Variants in NEDD4L observed in about 807,000 individuals in gnomAD.
NEDD4L encodes NEDD4 like E3 ubiquitin protein ligase, also known as E3 ubiquitin-protein ligase NEDD4-like.
In NEDD4L, 54 loss-of-function variants were observed where a neutral mutation model predicts 148.9. The observed-to-expected ratio is 0.36, with a 90% CI of 0.29 to 0.45. NEDD4L has a LOEUF of 0.45. Among genes scored for constraint, NEDD4L ranks in the 20% least tolerant of loss-of-function variants. The pLI, the probability that NEDD4L is intolerant of heterozygous loss-of-function variation, is 1.00. For missense variants in NEDD4L, 856 were observed against 1,233.8 expected (o/e 0.69, Z 4.59); for synonymous variants, 433 against 440.7 (o/e 0.98, Z 0.22).
intron 2 of NEDD4L, among the ~76,000 whole-genome samples, chr18:58,229,713 T>C (rs1408925539): frequency 2.6e-5 from 4 of 152,164 alleles, no homozygotes; most frequent in East Asian, 1.9e-4. Context: ...CTTTTTCGGC[T>C]GGGCGCGGTG....
At chr18:58,190,443 A>G (rs1391149625) in intron 2 of NEDD4L, among the ~76,000 whole-genome samples, 1 of 152,240 alleles carries the variant, frequency 6.6e-6, no homozygotes, top group Non-Finnish European at 1.5e-5. Flanking sequence ...AACATTTTAT[A>G]ACATAGAATG....
At position 58,157,957 on chromosome 18, in the gene NEDD4L, G is replaced by C. The variant is rs8084983; in HGVS notation, c.49-7831G>C. Among the ~76,000 whole-genome samples the C allele has an allele frequency of 8.7e-3, 1,329 of 152,118 alleles. 14 individuals are homozygous for C. Among genetic ancestry groups the C allele is most frequent in the African/African-American group, 0.03 (1,259 of 41,476 alleles). ...AGAGTTAGCAGCTTATAAAGCAACA[G>C]ATATTTATTATCTCACAGTTTCTGT... On this transcript the variant is annotated intron_variant, in intron 1 of 30. Coordinates refer to ENST00000400345, the MANE Select transcript of NEDD4L (RefSeq NM_001144967.3).
chr18:58,187,737 A>C (rs1224658372), intron 2 of NEDD4L, among the ~76,000 whole-genome samples: 1 of 152,174 alleles, frequency 6.6e-6, no homozygotes, highest in African/African-American at 2.4e-5. Flanking sequence ...TTTTCTCATA[A>C]AAAAAGAAGC....
intron 5 of NEDD4L, among the ~76,000 whole-genome samples, chr18:58,310,550 C>T (rs2057565897): frequency 6.6e-6 from 1 of 152,182 alleles, no homozygotes; most frequent in Non-Finnish European, 1.5e-5. Flanking sequence ...TGAAGCAATT[C>T]ACCTTGAAAG....
At chr18:58,388,974 T>C in intron 27 of NEDD4L, 111 bp from the exon 28 acceptor site, 1 of 816,256 alleles carries the variant, frequency 1.2e-6, no homozygotes, top group Admixed American at 2.0e-5. Context: ...ATTTGCTAGC[T>C]TACCTTCGCG....
In NEDD4L at chr18:58,401,451, A is replaced by G. The variant is rs945669009; in HGVS notation, c.*5182A>G. ...TAGATTGTTTTCCTGACAGCAAAAG[A>G]CTAATGTGACAAAATGAAGTCATTG... On this transcript the variant is annotated 3_prime_UTR_variant, in exon 31 of 31. Transcript: ENST00000400345. 1.6e-4 allele frequency: 24 copies of G among 152,228 alleles called. No individual in the cohort carries two copies. Among genetic ancestry groups the G allele is most frequent in the African/African-American group, 5.8e-4 (24 of 41,460 alleles). The allele number at this position is 152,228 out of a possible 1,614,324, so 9.4% of individuals were successfully genotyped here.
Position 58,341,736 on chromosome 18 carries a change from C to T in NEDD4L, c.1316C>T (p.Pro439Leu), listed in dbSNP as rs775630982. 3.7e-6 allele frequency: 6 copies of T among 1,613,930 alleles called. No individual in the cohort carries two copies. The Admixed American group carries it at 1.0e-4, about 27-fold the overall frequency. ...ATNSNNHLIE[P>L]QIRRPRSLSS... ...AACAGTAACAACCATCTAATCGAGC[C>T]TCAGATCCGCCGGCCTCGTAGCCTC... The change falls in exon 15 of 31, where the codon CCT becomes CTT. Residue 439 changes from proline to leucine, a missense_variant. Around this residue, in one of 4 missense-constraint regions of NEDD4L, gnomAD observed 367 missense variants for 422.7 expected, o/e 0.87. Coordinates refer to ENST00000400345, the MANE Select transcript of NEDD4L (RefSeq NM_001144967.3).
At chr18:58,386,821 A>C (rs2146842618) in intron 26 of NEDD4L, among the ~76,000 whole-genome samples, 1 of 152,208 alleles carries the variant, frequency 6.6e-6, no homozygotes, top group East Asian at 1.9e-4. Context: ...AGGGACTTAA[A>C]ATGGGAGGAC....
At chr18:58,245,846 ATTTTTTTTTT>A (rs58940181) in intron 3 of NEDD4L, among the ~76,000 whole-genome samples, 1 of 91,552 alleles carries the variant, frequency 1.1e-5, no homozygotes, top group Non-Finnish European at 2.1e-5. Flanking sequence ...ATGCCTGGCT[ATTTTTTTTTT>A]TTTTTTTTTT....
rs192054111 is a variant in NEDD4L at position 58,255,459 on chromosome 18, T to C, written c.297+3405T>C. On this transcript the variant is annotated intron_variant, in intron 5 of 30. Coordinates refer to ENST00000400345, the MANE Select transcript of NEDD4L (RefSeq NM_001144967.3). ...AGAGCTTTTTGCTCTTATCCAATCA[T>C]GCCTGGAATGCCGCTTGCCACTTGG... is the stretch of plus-strand genomic sequence containing the variant. 5.4e-3 allele frequency: 6,563 copies of C among 1,211,598 alleles called. 23 individuals carry two copies. The highest frequency in any genetic ancestry group is 8.8e-3 in the Middle Eastern group (28 of 3,168). 75.1% of individuals were successfully genotyped at this position (1,211,598 alleles called of 1,614,324 possible).
At chr18:58,244,699 T>TG (rs2047039505) in intron 2 of NEDD4L, among the ~76,000 whole-genome samples, 1 of 152,102 alleles carries the variant, frequency 6.6e-6, no homozygotes. Flanking sequence ...GTCTTTTTTT[T>TG]GGGGGGAGGG....
intron 5 of NEDD4L, among the ~76,000 whole-genome samples, chr18:58,263,692 T>C (rs2148696915): frequency 6.7e-6 from 1 of 149,656 alleles, no homozygotes; most frequent in African/African-American, 2.5e-5. Context: ...TCTCTCATGT[T>C]CTTTTCAAAT....
chr18:58,172,446 T>A (rs1478829634), intron 2 of NEDD4L, among the ~76,000 whole-genome samples: 1 of 152,226 alleles, frequency 6.6e-6, no homozygotes, highest in Non-Finnish European at 1.5e-5. Flanking sequence ...CAGCAGCTCC[T>A]GTTTCTTGAG....
intron 1 of NEDD4L, among the ~76,000 whole-genome samples, chr18:58,050,638 G>T (rs1342561216): frequency 6.6e-6 from 1 of 151,838 alleles, no homozygotes; most frequent in Non-Finnish European, 1.5e-5. Context: ...GCAGGCAACT[G>T]TAATCCCAGT....
intron 24 of NEDD4L, among the ~76,000 whole-genome samples, chr18:58,377,738 G>GGTTTGTTTGTTT (rs142530831): frequency 0.29 from 43,741 of 151,416 alleles, 6,903 homozygotes; most frequent in African/African-American, 0.4. Context: ...TTTGGTTATG[G>GGTTTGTTTGTTT]GTTTGTTTGT....
Position 58,328,982 on chromosome 18 carries a change from C to G in NEDD4L, c.681-13C>G, listed in dbSNP as rs772917897. ...CTTCTCTTCTTCTCTTTCCCCCTTTCCTGCATGCTCAGGGACGTGTCCTCG... is the reference window on the plus strand; with the variant it reads ...CTTCTCTTCTTCTCTTTCCCCCTTTGCTGCATGCTCAGGGACGTGTCCTCG... On this transcript the variant is annotated splice_polypyrimidine_tract_variant and intron_variant, in intron 9 of 30. Coordinates refer to ENST00000400345, the MANE Select transcript of NEDD4L (RefSeq NM_001144967.3). 6.2e-7 allele frequency: 1 copy of G among 1,613,976 alleles called. No individual in the cohort carries two copies. The highest frequency in any genetic ancestry group is 2.2e-5 in the East Asian group (1 of 44,884).
chr18:58,112,611 C>T (rs912568689), intron 1 of NEDD4L, among the ~76,000 whole-genome samples: 5 of 152,070 alleles, frequency 3.3e-5, no homozygotes, highest in Non-Finnish European at 7.4e-5. Flanking sequence ...GCCTCTGCCT[C>T]CCAAGTAGCT....
intron 18 of NEDD4L, among the ~76,000 whole-genome samples, chr18:58,354,780 C>T (rs1052527980): frequency 3.3e-5 from 5 of 152,168 alleles, no homozygotes; most frequent in Non-Finnish European, 7.3e-5. Flanking sequence ...TACACAGAAA[C>T]AGAAGAGGCA....
chr18:58,124,742 C>T (rs756996234), intron 1 of NEDD4L, among the ~76,000 whole-genome samples: 1 of 152,228 alleles, frequency 6.6e-6, no homozygotes, highest in Non-Finnish European at 1.5e-5. Context: ...AGTAAAAAAA[C>T]AAGTTTATCA....
Sources: allele counts gnomAD v4.1 joint callset (sites outside exome capture counted in the v4.1 genomes callset), GRCh38; gene constraint gnomAD v4.1.1; regional missense constraint gnomAD v4.1.1; transcripts MANE v1.5; gene names NCBI Gene and HGNC (gene_info 2026-07-23, HGNC 2026-07-21).